Variants in RPS6KA2 observed in about 807,000 individuals in gnomAD.
RPS6KA2 encodes ribosomal protein S6 kinase A2, also known as ribosomal protein S6 kinase alpha-2.
A neutral mutation model predicts 91.8 loss-of-function variants in RPS6KA2; 42 were observed. The ratio of observed to expected loss-of-function variants is 0.46; its 90% CI spans 0.36 to 0.59. RPS6KA2 has a LOEUF of 0.59. Among genes scored for constraint, RPS6KA2 ranks in the 20% least tolerant of loss-of-function variants. The probability of loss-of-function intolerance (pLI) is 0.00; values close to 1 mark genes in which losing one functional copy is unlikely to be tolerated. For missense variants in RPS6KA2, 798 were observed against 978.5 expected (o/e 0.82, Z 2.46); for synonymous variants, 414 against 393.6 (o/e 1.05, Z -0.61).
At chr6:166,550,830 G>A (rs560322369) in intron 1 of RPS6KA2, among the ~76,000 whole-genome samples, 74 of 151,874 alleles carry the variant, frequency 4.9e-4, no homozygotes, top group Non-Finnish European at 7.7e-4. Context: ...GTGAAACCCC[G>A]TCTCTACTAA....
At chr6:166,545,131 T>C (rs1386470500) in intron 1 of RPS6KA2, among the ~76,000 whole-genome samples, 1 of 152,176 alleles carries the variant, frequency 6.6e-6, no homozygotes, top group Admixed American at 6.5e-5. Context: ...ATCTACTTGA[T>C]AGAGGGCTGC....
intron 2 of RPS6KA2, among the ~76,000 whole-genome samples, chr6:166,804,758 G>A (rs1338694193): frequency 6.6e-6 from 1 of 151,744 alleles, no homozygotes; most frequent in Non-Finnish European, 1.5e-5. Context: ...CTCACTGTGG[G>A]GAAATTAAAA....
chr6:166,712,194 G>T (rs1018085577), intron 2 of RPS6KA2, among the ~76,000 whole-genome samples: 11 of 152,208 alleles, frequency 7.2e-5, no homozygotes, highest in Non-Finnish European at 1.6e-4. Context: ...TGGCAGCCCA[G>T]GTACCTGGAG....
intron 3 of RPS6KA2, among the ~76,000 whole-genome samples, chr6:166,529,345 T>C (rs11970138): frequency 0.19 from 28,866 of 151,974 alleles, 2,948 homozygotes; most frequent in African/African-American, 0.26. Context: ...ACCACATGTT[T>C]TCACTCATAG....
At chr6:166,550,776 T>G (rs9457179) in intron 1 of RPS6KA2, among the ~76,000 whole-genome samples, 64,606 of 151,342 alleles carry the variant, frequency 0.43, 14,795 homozygotes, top group Non-Finnish European at 0.51. Flanking sequence ...GCCAAGGCGG[T>G]CAGATCACAA....
At chr6:166,425,279 C>T (rs1295992146) in intron 16 of RPS6KA2, among the ~76,000 whole-genome samples, 1 of 151,788 alleles carries the variant, frequency 6.6e-6, no homozygotes, top group Admixed American at 6.6e-5. Context: ...AATTTGAGCT[C>T]TTTTAGGGCT....
intron 1 of RPS6KA2, among the ~76,000 whole-genome samples, chr6:166,565,245 C>T (rs916514824): frequency 6.6e-5 from 10 of 152,236 alleles, no homozygotes; most frequent in South Asian, 2.1e-4. Context: ...AACCATTAAA[C>T]TCACACTGGA....
Position 166,620,815 on chromosome 6 carries a change from T to C in RPS6KA2, c.99+6106A>G, listed in dbSNP as rs116753391. On this transcript the variant is annotated intron_variant, in intron 1 of 20. Transcript: ENST00000265678. ...TACAGGGTTACCCCTATTTTGTAGC[T>C]GGGGAGACAGGTGCTCAGAAGGATT... Among the ~76,000 whole-genome samples, 1,280 of 152,296 alleles carry C rather than the reference T, an allele frequency of 8.4e-3. 16 individuals carry two copies. The highest frequency in any genetic ancestry group is 0.029 in the African/African-American group (1,220 of 41,564).
At chr6:166,740,850 A>G (rs1185235464) in intron 2 of RPS6KA2, among the ~76,000 whole-genome samples, 1 of 152,288 alleles carries the variant, frequency 6.6e-6, no homozygotes, top group African/African-American at 2.4e-5. Flanking sequence ...GAAAATGCAG[A>G]TGAAAATATT....
chr6:166,664,852 G>A (rs932701453), intron 2 of RPS6KA2, among the ~76,000 whole-genome samples: 7 of 152,194 alleles, frequency 4.6e-5, no homozygotes, highest in African/African-American at 1.7e-4. Flanking sequence ...TGGATATGAG[G>A]TGCAGAGAGC....
At chr6:166,456,227 G>A (rs1222173193) in intron 12 of RPS6KA2, among the ~76,000 whole-genome samples, 1 of 152,244 alleles carries the variant, frequency 6.6e-6, no homozygotes, top group African/African-American at 2.4e-5. Flanking sequence ...ATTTACCGAA[G>A]GCCAAGTGGA....
Position 166,701,018 on chromosome 6 carries a change from G to T in RPS6KA2, c.123+157182C>A, listed in dbSNP as rs150939347. Reference sequence around the variant, plus strand: ...TTGTGCATGTGATTCTGGATAGGGGGTCAGCGCCTGTCTGTTTGTTAAGCA... The same window carrying T: ...TTGTGCATGTGATTCTGGATAGGGGTTCAGCGCCTGTCTGTTTGTTAAGCA... On this transcript the variant is annotated intron_variant, in intron 2 of 21. Coordinates refer to the RPS6KA2 transcript ENST00000503859. The T allele has an allele frequency of 1.3e-4, 152 of 1,129,368 alleles. No individual in the cohort carries two copies. In the East Asian group the frequency reaches 2.8e-3, roughly 21 times the overall value. 70.0% of individuals were successfully genotyped at this position (1,129,368 alleles called of 1,614,324 possible). A position where few individuals can be genotyped will look rare whatever the true frequency, so the allele number is the denominator to read the frequency against.
intron 2 of RPS6KA2, among the ~76,000 whole-genome samples, chr6:166,846,067 G>A (rs1180844236): frequency 6.6e-6 from 1 of 151,962 alleles, no homozygotes; most frequent in East Asian, 1.9e-4. Flanking sequence ...ATTTTTCAAG[G>A]CTACTATGAA....
intron 12 of RPS6KA2, among the ~76,000 whole-genome samples, chr6:166,457,123 C>T (rs1053336287): frequency 6.6e-5 from 10 of 152,260 alleles, no homozygotes; most frequent in Non-Finnish European, 1.3e-4. Context: ...CACAGCCCCA[C>T]ATGTTGGCAC....
Position 166,479,293 on chromosome 6 carries a change from T to C in RPS6KA2, c.908-9388A>G, listed in dbSNP as rs1047165139. 3.7e-5 allele frequency among the ~76,000 whole-genome samples: 5 copies of C among 136,010 alleles called. No individual in the cohort carries two copies. The East Asian group carries it at 9.8e-4, about 27-fold the overall frequency. 89.2% of individuals were successfully genotyped at this position (136,010 alleles called of 152,430 possible). On this transcript the variant is annotated intron_variant, in intron 10 of 20. Transcript: ENST00000265678. ...AAGGCACGGGCCAGACTGCCCATTA[T>C]CCACTCACACTTGCTCTGGACGAAA...
In RPS6KA2 at chr6:166,563,300, C is replaced by T. The variant is rs960838153; in HGVS notation, c.100-24516G>A. Among the ~76,000 whole-genome samples, 1 of 152,160 alleles carries T rather than the reference C, an allele frequency of 6.6e-6. No individual in the cohort carries two copies. Among genetic ancestry groups the T allele is most frequent in the East Asian group, 1.9e-4 (1 of 5,194 alleles). On this transcript the variant is annotated intron_variant, in intron 1 of 20. Transcript: ENST00000265678. The surrounding 1 kb of genome is among the most constrained non-coding windows in gnomAD (Gnocchi z 4.1). Reference sequence around the variant, plus strand: ...GGGAGAGGCCCCAGCGGGAAGCACTCGGAGGAGCGGGGGCCAACCCGGAAT... The same window carrying T: ...GGGAGAGGCCCCAGCGGGAAGCACTTGGAGGAGCGGGGGCCAACCCGGAAT...
At chr6:166,481,484 G>A (rs1208416826) in intron 10 of RPS6KA2, among the ~76,000 whole-genome samples, 3 of 152,078 alleles carry the variant, frequency 2.0e-5, no homozygotes, top group Non-Finnish European at 4.4e-5. Flanking sequence ...ATAGTAGAGT[G>A]TACGTATACC....
At chr6:166,649,168 A>C (rs940213253) in intron 2 of RPS6KA2, among the ~76,000 whole-genome samples, 1 of 152,142 alleles carries the variant, frequency 6.6e-6, no homozygotes, top group Non-Finnish European at 1.5e-5. Flanking sequence ...CACCAAACCC[A>C]GCAGGACCAG....
At chr6:166,687,708 A>G (rs1789068415) in intron 2 of RPS6KA2, among the ~76,000 whole-genome samples, 1 of 152,246 alleles carries the variant, frequency 6.6e-6, no homozygotes, top group Non-Finnish European at 1.5e-5. Context: ...GAGCAAACAG[A>G]ACGTTCAAAC....
Sources: allele counts gnomAD v4.1 joint callset (sites outside exome capture counted in the v4.1 genomes callset), GRCh38; gene constraint gnomAD v4.1.1; non-coding constraint Gnocchi (gnomAD v3.1); transcripts MANE v1.5; gene names NCBI Gene and HGNC (gene_info 2026-07-23, HGNC 2026-07-21).